The following TOR1AIP1 variants were observed in gnomAD, a reference collection of about 807,000 sequenced individuals.
TOR1AIP1 encodes the protein torsin-1A-interacting protein 1.
TOR1AIP1 carries 54 observed loss-of-function variants against 63.3 expected under a neutral mutation model. That is an observed-to-expected ratio of 0.85 (90% CI 0.69 to 1.07). The LOEUF is 1.07. Ranked by LOEUF, TOR1AIP1 falls within the 50% of genes least tolerant of loss-of-function variation. TOR1AIP1 has a pLI of 0.00. For missense variants in TOR1AIP1, 736 were observed against 715.0 expected (o/e 1.03, Z -0.33); for synonymous variants, 294 against 273.5 (o/e 1.07, Z -0.74).
At position 179,891,564 on chromosome 1, in the gene TOR1AIP1, TTATTTATTTTTATTTTC is replaced by T. The variant is rs1294516418; in HGVS notation, c.610+2197_610+2213del. On this transcript the variant is annotated intron_variant, in intron 3 of 9. Coordinates refer to ENST00000606911, the MANE Select transcript of TOR1AIP1 (RefSeq NM_015602.4). Reference sequence around the variant, plus strand: ...ATTTTTATTTTTTATTTTTATTTATTTATTTATTTTTATTTTCTCGAGACAGGCTCTTGCTCTATCAC... The same window carrying T: ...ATTTTTATTTTTTATTTTTATTTATTTCGAGACAGGCTCTTGCTCTATCAC... Among the ~76,000 whole-genome samples the T allele has an allele frequency of 4.1e-4, 14 of 33,852 alleles. No individual in the cohort carries two copies. In the East Asian group the frequency reaches 0.041, roughly 98 times the overall value. 22.2% of individuals were successfully genotyped at this position (33,852 alleles called of 152,430 possible).
intron 2 of TOR1AIP1, among the ~76,000 whole-genome samples, chr1:179,885,075 T>A (rs1170469074): frequency 6.6e-6 from 1 of 152,228 alleles, no homozygotes; most frequent in Non-Finnish European, 1.5e-5. Context: ...TATCATTCTC[T>A]CATGTCATAA....
intron 3 of TOR1AIP1, among the ~76,000 whole-genome samples, chr1:179,891,698 T>C (rs971969540): frequency 2.0e-5 from 3 of 152,078 alleles, no homozygotes; most frequent in Non-Finnish European, 4.4e-5. Context: ...TTCAAGCAGC[T>C]GGGATTACAG....
At chr1:179,889,547 A>C (rs542902819) in intron 3 of TOR1AIP1, among the ~76,000 whole-genome samples, 178 bp downstream of exon 3, 160 of 152,260 alleles carry the variant, frequency 1.1e-3, no homozygotes, top group African/African-American at 3.8e-3. Context: ...AAAAGCAACC[A>C]ATGTTGTCAG....
intron 8 of TOR1AIP1, among the ~76,000 whole-genome samples, chr1:179,909,753 G>C (rs1553244038): frequency 6.6e-6 from 1 of 151,412 alleles, no homozygotes; most frequent in Non-Finnish European, 1.5e-5. Context: ...GTTTTTGGGG[G>C]TGTTTTGTTT....
chr1:179,910,891 G>A (rs941703143), intron 8 of TOR1AIP1, among the ~76,000 whole-genome samples: 7 of 152,136 alleles, frequency 4.6e-5, no homozygotes, highest in African/African-American at 1.7e-4. Flanking sequence ...ATAAGACACT[G>A]CAATAGAGAA....
In TOR1AIP1 at chr1:179,919,351, G is replaced by C. The variant is rs1207463733; in HGVS notation, c.*1112G>C. 1 of 152,126 alleles carries C rather than the reference G, an allele frequency of 6.6e-6. No individual in the cohort carries two copies. The highest frequency in any genetic ancestry group is 1.5e-5 in the Non-Finnish European group (1 of 68,032). 9.4% of individuals were successfully genotyped at this position (152,126 alleles called of 1,614,324 possible). A position where few individuals can be genotyped will look rare whatever the true frequency, so the allele number is the denominator to read the frequency against. ...TTTTGAATTAAGAAATGAGTTTCAG[G>C]AATTGACAAACCATTTGTTAACCAG... is the stretch of plus-strand genomic sequence containing the variant. On this transcript the variant is annotated 3_prime_UTR_variant, in exon 10 of 10. Transcript: ENST00000606911.
intron 3 of TOR1AIP1, among the ~76,000 whole-genome samples, chr1:179,899,534 AC>A (rs1188846936): frequency 2.6e-5 from 4 of 152,086 alleles, no homozygotes; most frequent in African/African-American, 9.7e-5. Context: ...AATATAGCAA[AC>A]CTATACACAC....
Position 179,901,328 on chromosome 1 carries a change from A to G in TOR1AIP1, c.679A>G (p.Ser227Gly). 1 of 1,611,400 alleles carries G rather than the reference A, an allele frequency of 6.2e-7. No homozygotes were observed. The highest frequency in any genetic ancestry group is 1.3e-5 in the African/African-American group (1 of 75,002). The change falls in exon 5 of 10, where the codon AGC (serine) becomes GGC (glycine). Residue 227 changes from serine to glycine, a missense_variant. Ser to Gly is a moderately conservative substitution (Grantham distance 56, BLOSUM62 0). Around this residue, in one of 2 missense-constraint regions of TOR1AIP1, gnomAD observed 464 missense variants for 371.0 expected, o/e 1.25. Transcript: ENST00000606911. ...EGETEEDDQD[S>G]SHSSVTTVKA... ...AGAAACTGAAGAAGATGATCAAGAC[A>G]GCTCTCACAGCAGTGTCACTACTGT...
At chr1:179,907,655 T>TA (rs1388835823) in intron 6 of TOR1AIP1, among the ~76,000 whole-genome samples, 168 bp from the exon 7 acceptor site, 1 of 138,802 alleles carries the variant, frequency 7.2e-6, no homozygotes, top group Non-Finnish European at 1.6e-5. Flanking sequence ...TGTATGTTTT[T>TA]TATATATATA....
At chr1:179,885,984 A>G (rs1233290168) in intron 2 of TOR1AIP1, among the ~76,000 whole-genome samples, 1 of 152,024 alleles carries the variant, frequency 6.6e-6, no homozygotes, top group Non-Finnish European at 1.5e-5. Flanking sequence ...CAGGTGATCC[A>G]CCCGCCTTGG....
At chr1:179,885,104 T>C (rs1647875126) in intron 2 of TOR1AIP1, among the ~76,000 whole-genome samples, 1 of 152,230 alleles carries the variant, frequency 6.6e-6, no homozygotes, top group African/African-American at 2.4e-5. Flanking sequence ...TCAGTAAAAT[T>C]TGTTCAATGT....
At chr1:179,896,956 T>A (rs1648299810) in intron 3 of TOR1AIP1, among the ~76,000 whole-genome samples, 1 of 152,206 alleles carries the variant, frequency 6.6e-6, no homozygotes, top group Middle Eastern at 3.2e-3. Context: ...CCTGATTCAA[T>A]AATGATTGAT....
rs529455258 is a variant in TOR1AIP1 at position 179,915,526 on chromosome 1, C to T, written c.964+1472C>T. Among the ~76,000 whole-genome samples the T allele has an allele frequency of 9.2e-5, 14 of 152,312 alleles. 1 individual carries two copies. The South Asian group carries it at 2.7e-3, about 29-fold the overall frequency. On this transcript the variant is annotated intron_variant, in intron 9 of 9. Coordinates refer to ENST00000606911, the MANE Select transcript of TOR1AIP1 (RefSeq NM_015602.4). Reference sequence around the variant, plus strand: ...ATCCCAACATTTTGGGAGGCCCAGGCGGATGGATCACCTGAGGTCAGGAGT... The same window carrying T: ...ATCCCAACATTTTGGGAGGCCCAGGTGGATGGATCACCTGAGGTCAGGAGT...
chr1:179,882,409 C>G lies in TOR1AIP1; in HGVS notation c.-94C>G, dbSNP rs1157393849. 1.6e-6 allele frequency: 2 copies of G among 1,280,920 alleles called. No individual in the cohort carries two copies. Among genetic ancestry groups the G allele is most frequent in the African/African-American group, 3.1e-5 (2 of 65,048 alleles). The allele number at this position is 1,280,920 out of a possible 1,614,324, so 79.3% of individuals were successfully genotyped here. On this transcript the variant is annotated 5_prime_UTR_variant, in exon 1 of 10. Coordinates refer to ENST00000606911, the MANE Select transcript of TOR1AIP1 (RefSeq NM_015602.4). Reference sequence around the variant, plus strand: ...GCCTCCCTGACCACAGCGGCCACCGCCCAACACCCCCGAGAAGCCATCGCC... The same window carrying G: ...GCCTCCCTGACCACAGCGGCCACCGGCCAACACCCCCGAGAAGCCATCGCC...
intron 5 of TOR1AIP1, 35 bp downstream of exon 5, chr1:179,901,423 T>C: frequency 2.3e-6 from 3 of 1,319,602 alleles, no homozygotes; most frequent in Non-Finnish European, 3.1e-6. Flanking sequence ...ACTCTTCTCA[T>C]AGAACTATCT....
Position 179,917,816 on chromosome 1 carries a change from G to C in TOR1AIP1, c.1329G>C (p.Arg443=), listed in dbSNP as rs147566573. The C allele has an allele frequency of 6.2e-7, 1 of 1,614,166 alleles. No individual in the cohort carries two copies. Among genetic ancestry groups the C allele is most frequent in the African/African-American group, 1.3e-5 (1 of 75,026 alleles). Residue 443 remains arginine, a synonymous_variant, in exon 10 of 10, where the codon CGG becomes CGC. Transcript: ENST00000606911. ...YSSFRSVRAI[R]IDGTDKATQD... ...CTTTTCGTAGTGTCCGTGCCATCCG[G>C]ATTGATGGGACAGATAAAGCTACTC...
At position 179,900,208 on chromosome 1, in the gene TOR1AIP1, C is replaced by T. The variant is rs1265178464; in HGVS notation, c.652+41C>T. 4 of 1,388,814 alleles carry T rather than the reference C, an allele frequency of 2.9e-6. No individual in the cohort carries two copies. The East Asian group carries it at 7.3e-5, about 25-fold the overall frequency. The allele number at this position is 1,388,814 out of a possible 1,614,324, so 86.0% of individuals were successfully genotyped here. On this transcript the variant is annotated intron_variant, in intron 4 of 9. Transcript: ENST00000606911. ...ATATCATATAATATATACTTTAAGTCTTTTTCTTTACATTAGAAGCCATTC... is the reference window on the plus strand; with the variant it reads ...ATATCATATAATATATACTTTAAGTTTTTTTCTTTACATTAGAAGCCATTC...
chr1:179,887,696 A>G (rs535653339), intron 2 of TOR1AIP1: 2 of 152,362 alleles, frequency 1.3e-5, no homozygotes, highest in South Asian at 2.1e-4. Context: ...CCAAAAATAT[A>G]TTAGGACAAA....
rs188831879 is a variant in TOR1AIP1, at chr1:179,918,104, G to A, written c.1617G>A (p.Lys539=). The A allele has an allele frequency of 5.8e-5, 93 of 1,614,104 alleles. No homozygotes were observed. In the East Asian group the frequency reaches 2.0e-3, roughly 35 times the overall value. ...EEKVRDFLKV[K]FTNSNTPNSY... ...AAGTAAGAGATTTTCTTAAAGTCAA[G>A]TTCACCAATTCTAACACACCCAACT... The change falls in exon 10 of 10, where the codon AAG becomes AAA. Residue 539 remains lysine, a synonymous_variant. Transcript: ENST00000606911.
Sources: allele counts gnomAD v4.1 joint callset (sites outside exome capture counted in the v4.1 genomes callset), GRCh38; gene constraint gnomAD v4.1.1; regional missense constraint gnomAD v4.1.1; transcripts MANE v1.5; gene names NCBI Gene and HGNC (gene_info 2026-07-23, HGNC 2026-07-21).